The following PYM1 variants were observed in gnomAD, a reference collection of about 807,000 sequenced individuals.
PYM1 encodes partner of Y14 and mago.
Under a neutral mutation model 20.7 loss-of-function variants are expected in PYM1, and 7 were observed. The ratio of observed to expected loss-of-function variants is 0.34; its 90% CI spans 0.19 to 0.64. PYM1 has a LOEUF of 0.64. Among genes scored for constraint, PYM1 ranks in the 30% least tolerant of loss-of-function variants. The pLI is 0.74. For missense variants in PYM1, 194 were observed against 250.0 expected, an observed-to-expected ratio of 0.78 and a Z score of 1.51; for synonymous variants, 100 against 99.2, an observed-to-expected ratio of 1.01 and a Z score of -0.05.
chr12:55,927,692 C>G (rs115873921), intron 1 of PYM1, 33 bp downstream of exon 1: 1 of 1,538,650 alleles, frequency 6.5e-7, no homozygotes, highest in Non-Finnish European at 8.7e-7. Context: ...GCGGGAGGGG[C>G]GTGCAAGGCG....
chr12:55,910,312 ACT>A (rs1882899389), intron 1 of PYM1, among the ~76,000 whole-genome samples: 1 of 148,962 alleles, frequency 6.7e-6, no homozygotes, highest in Non-Finnish European at 1.5e-5. Context: ...ACGGAATCTC[ACT>A]CTGTCTCTCA....
chr12:55,913,250 G>A (rs997064901), intron 1 of PYM1, among the ~76,000 whole-genome samples: 5 of 152,176 alleles, frequency 3.3e-5, no homozygotes, highest in East Asian at 3.8e-4. Context: ...TTATTTGCTT[G>A]TTGGAAAGCA....
At chr12:55,926,189 T>C (rs934409495) in intron 1 of PYM1, among the ~76,000 whole-genome samples, 6 of 152,236 alleles carry the variant, frequency 3.9e-5, no homozygotes, top group African/African-American at 1.2e-4. Context: ...CTTTTACATA[T>C]ATTATTTGAT....
At chr12:55,927,646 T>C (rs778060685) in intron 1 of PYM1, 79 bp downstream of exon 1, 66 of 1,511,942 alleles carry the variant, frequency 4.4e-5, no homozygotes, top group Non-Finnish European at 5.2e-5. Context: ...CGTGTGCCGA[T>C]TGCTGTCGGC....
chr12:55,910,859 T>C (rs1303084291), intron 1 of PYM1, among the ~76,000 whole-genome samples: 1 of 152,210 alleles, frequency 6.6e-6, no homozygotes, highest in Non-Finnish European at 1.5e-5. Flanking sequence ...TAGGTAAATT[T>C]AAACATTTCT....
intron 1 of PYM1, among the ~76,000 whole-genome samples, chr12:55,904,020 G>A (rs927543582): frequency 1.3e-5 from 2 of 152,074 alleles, no homozygotes; most frequent in African/African-American, 4.8e-5. Flanking sequence ...CAAGGCTGGA[G>A]TGCAGTGGTG....
chr12:55,917,431 A>T (rs1223375373), intron 1 of PYM1, among the ~76,000 whole-genome samples: 1 of 151,960 alleles, frequency 6.6e-6, no homozygotes, highest in Admixed American at 6.6e-5. Flanking sequence ...AAAACAAAAA[A>T]AAATTAATTA....
intron 1 of PYM1, among the ~76,000 whole-genome samples, chr12:55,921,806 T>C (rs1330252133): frequency 6.6e-6 from 1 of 152,148 alleles, no homozygotes; most frequent in East Asian, 1.9e-4. Flanking sequence ...AATACACATC[T>C]ATAAGTCCAT....
At chr12:55,909,010 T>C (rs1455176983) in intron 1 of PYM1, among the ~76,000 whole-genome samples, 1 of 151,922 alleles carries the variant, frequency 6.6e-6, no homozygotes, top group Non-Finnish European at 1.5e-5. Context: ...GAACAGAAAG[T>C]TGAGAGGTTC....
intron 1 of PYM1, among the ~76,000 whole-genome samples, chr12:55,922,445 CAAAAAAAAAAA>C (rs56355933): frequency 4.6e-5 from 4 of 86,246 alleles, no homozygotes; most frequent in African/African-American, 1.8e-4. Flanking sequence ...CCATCTTTAC[CAAAAAAAAAAA>C]AAAAAAAAAA....
rs775390019 is a variant in PYM1 at position 55,902,062 on chromosome 12, G to A, written c.425C>T (p.Pro142Leu). 3.7e-6 allele frequency: 6 copies of A among 1,614,016 alleles called. No homozygotes were observed. In the African/African-American group the frequency reaches 6.7e-5, roughly 18 times the overall value. ...RAAPTAASDQ[P>L]DSAATTEKAK... Reference sequence around the variant, plus strand: ...TTTCTCAGTGGTGGCAGCTGAGTCAGGCTGGTCAGATGCAGCTGTGGGGGC... The same window carrying A: ...TTTCTCAGTGGTGGCAGCTGAGTCAAGCTGGTCAGATGCAGCTGTGGGGGC... Residue 142 changes from proline (P) to leucine (L), a missense_variant, in exon 3 of 3, where the codon CCT becomes CTT. By Grantham distance (98) the Pro-to-Leu change is moderately conservative. Coordinates refer to ENST00000408946, the MANE Select transcript of PYM1 (RefSeq NM_032345.3).
chr12:55,905,987 A>ATTTAATAGAT (rs1565714584), intron 1 of PYM1, among the ~76,000 whole-genome samples: 1 of 124,500 alleles, frequency 8.0e-6, no homozygotes, highest in Non-Finnish European at 1.6e-5. Context: ...TATTATATAT[A>ATTTAATAGAT]ATATAAAATA....
Position 55,901,744 on chromosome 12 carries a change from T to C in PYM1, c.*128A>G. On this transcript the variant is annotated 3_prime_UTR_variant, in exon 3 of 3. Coordinates refer to ENST00000408946, the MANE Select transcript of PYM1 (RefSeq NM_032345.3). ...GACGCTAGGCTCTGGAGGACAGAGC[T>C]GGGCCGCAGGAGGTGGAAGTAAGCC... 7.7e-7 allele frequency: 1 copy of C among 1,301,992 alleles called. No individual in the cohort carries two copies. Among genetic ancestry groups the C allele is most frequent in the Non-Finnish European group, 1.0e-6 (1 of 973,488 alleles). 80.7% of individuals were successfully genotyped at this position (1,301,992 alleles called of 1,614,324 possible).
At chr12:55,926,845 G>C (rs766155844) in intron 1 of PYM1, among the ~76,000 whole-genome samples, 3 of 152,158 alleles carry the variant, frequency 2.0e-5, no homozygotes, top group Non-Finnish European at 4.4e-5. Flanking sequence ...CCTGAAGCAG[G>C]GACCAGCACT....
intron 1 of PYM1, among the ~76,000 whole-genome samples, chr12:55,918,782 C>T (rs1394678501): frequency 2.0e-5 from 3 of 152,122 alleles, no homozygotes; most frequent in Admixed American, 1.3e-4. Context: ...ACAGGAGAAT[C>T]GCTTGAACCT....
At chr12:55,908,095 T>A (rs1882856605) in intron 1 of PYM1, among the ~76,000 whole-genome samples, 1 of 151,338 alleles carries the variant, frequency 6.6e-6, no homozygotes, top group African/African-American at 2.4e-5. Context: ...ATACAAAAAA[T>A]ATCCAGGCGT....
chr12:55,923,523 C>T (rs1043603860), intron 1 of PYM1, among the ~76,000 whole-genome samples: 1 of 150,834 alleles, frequency 6.6e-6, no homozygotes, highest in Non-Finnish European at 1.5e-5. Context: ...GGTGATTGCA[C>T]CACTGCACTC....
Position 55,901,868 on chromosome 12 carries a change from G to A in PYM1, c.*4C>T. ...TGCAGTCCATTCCCTATTCCCCAAA[G>A]GCCTCAGAGGCCTAACTCCAAGTCC... is the stretch of plus-strand genomic sequence containing the variant. On this transcript the variant is annotated 3_prime_UTR_variant, in exon 3 of 3. Coordinates refer to ENST00000408946, the MANE Select transcript of PYM1 (RefSeq NM_032345.3). 5 of 1,597,886 alleles carry A rather than the reference G, an allele frequency of 3.1e-6. No homozygotes were observed. In the South Asian group the frequency reaches 4.5e-5, roughly 14 times the overall value.
chr12:55,925,022 A>G (rs1454419057), intron 1 of PYM1, among the ~76,000 whole-genome samples: 1 of 152,246 alleles, frequency 6.6e-6, no homozygotes, highest in Non-Finnish European at 1.5e-5. Flanking sequence ...ATTAGAAGCC[A>G]TGATCTTGGC....
Sources: gnomAD v4.1 joint callset for allele counts (sites outside exome capture counted in the v4.1 genomes callset) on GRCh38, gnomAD v4.1.1 for gene constraint, MANE v1.5 for transcripts, NCBI Gene and HGNC (gene_info 2026-07-23, HGNC 2026-07-21) for gene names.